RPP30: variants seen among roughly 807,000 people sequenced by gnomAD.
RPP30 encodes ribonuclease P protein subunit p30.
In RPP30, 36 loss-of-function variants were observed where a neutral mutation model predicts 38.6. That is an observed-to-expected ratio of 0.93 (90% CI 0.71 to 1.23). The LOEUF (loss-of-function observed/expected upper bound fraction) is 1.23. Among genes scored for constraint, RPP30 ranks in the 50% most tolerant of loss-of-function variants. RPP30 has a pLI of 0.00. For synonymous variants in RPP30, 126 were observed against 112.7 expected (o/e 1.12, Z -0.75); for missense variants, 321 against 321.7 (o/e 1.00, Z 0.02).
At position 90,901,790 on chromosome 10, in the gene RPP30, GAC is replaced by G; in HGVS notation, c.*1113_*1114del. 3.1e-6 allele frequency: 3 copies of G among 982,066 alleles called. No individual in the cohort carries two copies. The highest frequency in any genetic ancestry group is 3.6e-6 in the Non-Finnish European group (3 of 827,212). The allele number at this position is 982,066 out of a possible 1,614,324, so 60.8% of individuals were successfully genotyped here. A position where few individuals can be genotyped will look rare whatever the true frequency, so the allele number is the denominator to read the frequency against. On this transcript the variant is annotated 3_prime_UTR_variant, in exon 11 of 11. Coordinates refer to ENST00000371703, the MANE Select transcript of RPP30 (RefSeq NM_006413.5). ...AAGAAATTTTTTTAAGCAAGAGAAA[GAC>G]AACTGTTCTGCGGGTTGGAGAAAAT... is the stretch of plus-strand genomic sequence containing the variant.
At chr10:90,890,680 A>G (rs930938092) in intron 6 of RPP30, among the ~76,000 whole-genome samples, 3 of 150,330 alleles carry the variant, frequency 2.0e-5, no homozygotes, top group Non-Finnish European at 3.0e-5. Context: ...ATTTCTGTGG[A>G]AAAAAAAAAT....
chr10:90,892,532 T>A (rs1847094366), intron 6 of RPP30, among the ~76,000 whole-genome samples: 1 of 152,190 alleles, frequency 6.6e-6, no homozygotes, highest in Non-Finnish European at 1.5e-5. Context: ...TTTGATTTGG[T>A]ACCCACAAGG....
chr10:90,901,162 T>TTC lies in RPP30; in HGVS notation c.*483_*484insTC. 4.9e-6 allele frequency: 1 copy of TTC among 205,144 alleles called. No individual in the cohort carries two copies. Among genetic ancestry groups the TTC allele is most frequent in the Non-Finnish European group, 7.8e-6 (1 of 128,232 alleles). 12.7% of individuals were successfully genotyped at this position (205,144 alleles called of 1,614,324 possible). A position where few individuals can be genotyped will look rare whatever the true frequency, so the allele number is the denominator to read the frequency against. On this transcript the variant is annotated 3_prime_UTR_variant, in exon 11 of 11. Coordinates refer to ENST00000371703, the MANE Select transcript of RPP30 (RefSeq NM_006413.5). ...GCTATTTTTTTTTTTTTTTTTTTTT[T>TTC]CCCTTGTAGAGACATGGTCTCACTA...
chr10:90,875,670 C>A, intron 3 of RPP30, 56 bp downstream of exon 3: 2 of 1,431,646 alleles, frequency 1.4e-6, no homozygotes, highest in South Asian at 1.1e-5. Context: ...TAAAAGGTAC[C>A]TAATTATTGT....
chr10:90,903,749 A>G (rs1847227047), downstream of RPP30, among the ~76,000 whole-genome samples: 1 of 152,256 alleles, frequency 6.6e-6, no homozygotes, highest in South Asian at 2.1e-4. Flanking sequence ...AGAGTGGCCA[A>G]TTGTATAAAT....
chr10:90,895,428 A>T, intron 7 of RPP30, 26 bp from the exon 8 acceptor site: 2 of 1,263,608 alleles, frequency 1.6e-6, no homozygotes, highest in Non-Finnish European at 2.2e-6. Flanking sequence ...ATCTAAGATT[A>T]ATATTAGTCA....
Position 90,901,821 on chromosome 10 carries a change from ATTTT to A in RPP30, c.*1156_*1159del. The A allele has an allele frequency of 4.4e-5, 39 of 888,690 alleles. No homozygotes were observed. Among genetic ancestry groups the A allele is most frequent in the African/African-American group, 5.8e-5 (3 of 51,882 alleles). 55.1% of individuals were successfully genotyped at this position (888,690 alleles called of 1,614,324 possible). On this transcript the variant is annotated 3_prime_UTR_variant, in exon 11 of 11. Transcript: ENST00000371703. ...TGTTCTGCGGGTTGGAGAAAATACA[ATTTT>A]TTTTTTTTTTTTTGAGACAGTCTCG...
At chr10:90,902,498 G>T (rs1434208214), downstream of RPP30, among the ~76,000 whole-genome samples, 1 of 152,164 alleles carries the variant, frequency 6.6e-6, no homozygotes. Flanking sequence ...GGGATTACAG[G>T]CACAGGCATG....
chr10:90,903,180 T>A (rs1304747868), downstream of RPP30: 2 of 1,474,664 alleles, frequency 1.4e-6, no homozygotes, highest in South Asian at 2.3e-5. Context: ...AAGTTCCTTT[T>A]CTGCTTTAAA....
At chr10:90,889,497 G>C (rs1456039539) in intron 6 of RPP30, among the ~76,000 whole-genome samples, 1 of 151,522 alleles carries the variant, frequency 6.6e-6, no homozygotes, top group Non-Finnish European at 1.5e-5. Context: ...ATTTTTAATA[G>C]AGTTGGGGTT....
chr10:90,886,471 A>G (rs370990261), intron 6 of RPP30, among the ~76,000 whole-genome samples: 2 of 152,300 alleles, frequency 1.3e-5, no homozygotes, highest in South Asian at 4.1e-4. Flanking sequence ...TTCCCCTTCT[A>G]CATAGTTTTC....
At chr10:90,907,243 C>G (rs1847263303), downstream of RPP30, among the ~76,000 whole-genome samples, 1 of 152,150 alleles carries the variant, frequency 6.6e-6, no homozygotes, top group Admixed American at 6.6e-5. Flanking sequence ...AGAGAAATGT[C>G]TGTGTTGTAG....
chr10:90,879,321 G>GT (rs1004213725), intron 5 of RPP30, among the ~76,000 whole-genome samples, 187 bp downstream of exon 5: 14 of 151,872 alleles, frequency 9.2e-5, no homozygotes, highest in African/African-American at 2.7e-4. Flanking sequence ...GTTTTGTTTT[G>GT]TTTTTTTCAT....
At chr10:90,892,811 G>A (rs1273082145) in intron 6 of RPP30, among the ~76,000 whole-genome samples, 1 of 152,196 alleles carries the variant, frequency 6.6e-6, no homozygotes, top group Non-Finnish European at 1.5e-5. Flanking sequence ...TTAGCCAGGT[G>A]CACCGAGGTT....
At chr10:90,886,637 G>T (rs1181449982) in intron 6 of RPP30, among the ~76,000 whole-genome samples, 2 of 152,148 alleles carry the variant, frequency 1.3e-5, no homozygotes, top group Non-Finnish European at 2.9e-5. Flanking sequence ...TTGCCAGTCA[G>T]ATCCTAGGAG....
At position 90,895,869 on chromosome 10, in the gene RPP30, T is replaced by C. The variant is rs775230842; in HGVS notation, c.580-11T>C. 6.3e-7 allele frequency: 1 copy of C among 1,585,978 alleles called. No homozygotes were observed. The highest frequency in any genetic ancestry group is 1.2e-5 in the South Asian group (1 of 86,904). On this transcript the variant is annotated splice_polypyrimidine_tract_variant and intron_variant, in intron 8 of 10. Coordinates refer to ENST00000371703, the MANE Select transcript of RPP30 (RefSeq NM_006413.5). The stretch of plus-strand genomic sequence containing the variant: ...TTTTCTCATATCTACTCTTTGTTCA[T>C]TTTATTTCAGCCTTTAGAAATAAGA...
At chr10:90,891,984 T>G (rs1847086271) in intron 6 of RPP30, among the ~76,000 whole-genome samples, 1 of 152,246 alleles carries the variant, frequency 6.6e-6, no homozygotes, top group Admixed American at 6.5e-5. Context: ...GGAATCAGTA[T>G]ATTGTCCCAG....
At chr10:90,893,079 A>G (rs1847101963) in intron 6 of RPP30, among the ~76,000 whole-genome samples, 1 of 152,220 alleles carries the variant, frequency 6.6e-6, no homozygotes, top group East Asian at 1.9e-4. Flanking sequence ...AAGTCAAAAA[A>G]TGAGAGAGGG....
At chr10:90,894,323 G>A (rs974334631) in intron 6 of RPP30, among the ~76,000 whole-genome samples, 8 of 152,112 alleles carry the variant, frequency 5.3e-5, no homozygotes, top group African/African-American at 9.7e-5. Context: ...AGACCTTCCT[G>A]CCCTTGGTTC....
Sources: gnomAD v4.1 joint callset for allele counts (sites outside exome capture counted in the v4.1 genomes callset) on GRCh38, gnomAD v4.1.1 for gene constraint, MANE v1.5 for transcripts, NCBI Gene and HGNC (gene_info 2026-07-23, HGNC 2026-07-21) for gene names.